Variants in TRPA1 observed in about 807,000 individuals in gnomAD.
TRPA1 encodes the protein ankyrin-like with transmembrane domains 1.
TRPA1 carries 129 observed loss-of-function variants against 131.3 expected under a neutral mutation model. The observed-to-expected ratio is 0.98, with a 90% CI of 0.85 to 1.14. The LOEUF (loss-of-function observed/expected upper bound fraction) is 1.14, where lower values mean the gene tolerates loss of function less well. Ranked by LOEUF, TRPA1 falls within the 50% of genes most tolerant of loss-of-function variation. The pLI is 0.00. For missense variants in TRPA1, 1,304 were observed against 1,354.2 expected, an observed-to-expected ratio of 0.96 and a Z score of 0.58; for synonymous variants, 441 against 451.7, an observed-to-expected ratio of 0.98 and a Z score of 0.30.
intron 15 of TRPA1, among the ~76,000 whole-genome samples, chr8:72,047,629 G>A (rs1258586526): frequency 6.6e-6 from 1 of 152,050 alleles, no homozygotes; most frequent in Non-Finnish European, 1.5e-5. Flanking sequence ...ATTTCCATAA[G>A]TAGAAAATTC....
At chr8:72,039,374 GC>G in intron 18 of TRPA1, among the ~76,000 whole-genome samples, 1 of 151,798 alleles carries the variant, frequency 6.6e-6, no homozygotes, top group African/African-American at 2.4e-5. Flanking sequence ...TCCTTTCCAT[GC>G]CCCCAAATAT....
chr8:72,080,083 C>T (rs190414796), upstream of TRPA1, among the ~76,000 whole-genome samples: 1 of 151,936 alleles, frequency 6.6e-6, no homozygotes, highest in East Asian at 1.9e-4. Context: ...ACATATAAGA[C>T]AATGCTAATA....
intron 17 of TRPA1, among the ~76,000 whole-genome samples, chr8:72,040,301 C>A (rs762294915): frequency 7.2e-5 from 11 of 151,966 alleles, no homozygotes; most frequent in Non-Finnish European, 1.3e-4. Flanking sequence ...GGGACTGATG[C>A]CAACAAGGGA....
chr8:72,052,742 T>C lies in TRPA1; in HGVS notation c.1668A>G (p.Ala556=). ...CAACGGCTTTGGCGTGGCCTTCCCTTGCAGCAAAGTGAAGTGCAGTGTTCT... is the reference window on the plus strand; with the variant it reads ...CAACGGCTTTGGCGTGGCCTTCCCTCGCAGCAAAGTGAAGTGCAGTGTTCT... ...EDGNTALHFA[A]REGHAKAVAL... is the part of the protein sequence containing the mutation. The change falls in exon 14 of 27, where the codon GCA becomes GCG. Residue 556 remains alanine (A), a synonymous_variant. Transcript: ENST00000262209. 1.2e-6 allele frequency: 2 copies of C among 1,613,332 alleles called. No individual in the cohort carries two copies. The highest frequency in any genetic ancestry group is 1.7e-6 in the Non-Finnish European group (2 of 1,179,844).
intron 3 of TRPA1, among the ~76,000 whole-genome samples, chr8:72,066,198 T>C (rs766588551): frequency 1.3e-5 from 2 of 152,194 alleles, no homozygotes; most frequent in Non-Finnish European, 2.9e-5. Flanking sequence ...GATCAAGCAA[T>C]TTTTCTGATG....
At chr8:72,088,360 T>G in the TRPA1 span, among the ~76,000 whole-genome samples, 1 of 139,354 alleles carries the variant, frequency 7.2e-6, no homozygotes, top group African/African-American at 2.6e-5. Flanking sequence ...ACTTTTTCTT[T>G]GAAAACTTTT....
At position 72,075,498 on chromosome 8, in the gene TRPA1, T is replaced by C; in HGVS notation, c.-89A>G. 2.7e-6 allele frequency: 3 copies of C among 1,121,698 alleles called. No homozygotes were observed. The highest frequency in any genetic ancestry group is 2.7e-6 in the Non-Finnish European group (2 of 747,516). 69.5% of individuals were successfully genotyped at this position (1,121,698 alleles called of 1,614,324 possible). A position where few individuals can be genotyped will look rare whatever the true frequency, so the allele number is the denominator to read the frequency against. ...AGAGCGCTGTCAGCCTGCCAGGCGC[T>C]GGGGTCCGCGCGAGCCCGAGCTCTC... On this transcript the variant is annotated 5_prime_UTR_variant, in exon 1 of 27. Coordinates refer to ENST00000262209, the MANE Select transcript of TRPA1 (RefSeq NM_007332.3).
Sources: gnomAD v4.1 joint callset for allele counts (sites outside exome capture counted in the v4.1 genomes callset) on GRCh38, gnomAD v4.1.1 for gene constraint, MANE v1.5 for transcripts, NCBI Gene and HGNC (gene_info 2026-07-23, HGNC 2026-07-21) for gene names.